The following PPP1R1C variants were observed in gnomAD, a reference collection of about 807,000 sequenced individuals.
The protein encoded by PPP1R1C is protein phosphatase 1 regulatory inhibitor subunit 1C.
PPP1R1C carries 15 observed loss-of-function variants against 17.4 expected under a neutral mutation model. The ratio of observed to expected loss-of-function variants is 0.86; its 90% CI spans 0.58 to 1.33. The LOEUF (loss-of-function observed/expected upper bound fraction) is 1.33, where lower values mean the gene tolerates loss of function less well. PPP1R1C is among the 40% of genes most tolerant of loss of function. The pLI is 0.00. For missense variants in PPP1R1C, 143 were observed against 130.0 expected (o/e 1.10, Z -0.48); for synonymous variants, 35 against 43.1 (o/e 0.81, Z 0.73).
chr2:182,048,791 A>G (rs1038080930), intron 2 of PPP1R1C: 2 of 152,224 alleles, frequency 1.3e-5, no homozygotes, highest in African/African-American at 4.8e-5. Flanking sequence ...CTGTAAAGAA[A>G]GAGATTCTAC....
At chr2:181,969,827 T>A (rs1032581459) in intron 1 of PPP1R1C, among the ~76,000 whole-genome samples, 5 of 152,340 alleles carry the variant, frequency 3.3e-5, no homozygotes, top group Admixed American at 1.3e-4. Flanking sequence ...CTATGTGTTT[T>A]CAAACAGCCT....
chr2:182,017,664 C>A (rs1185674380), intron 2 of PPP1R1C, among the ~76,000 whole-genome samples: 1 of 152,060 alleles, frequency 6.6e-6, no homozygotes. Flanking sequence ...ATGAAGAAAA[C>A]AATTTATTCT....
intron 2 of PPP1R1C, among the ~76,000 whole-genome samples, chr2:182,042,682 T>C (rs1448597725): frequency 6.6e-6 from 1 of 152,182 alleles, no homozygotes; most frequent in Non-Finnish European, 1.5e-5. Flanking sequence ...AAGAGCCTAT[T>C]AGTCCTCTGC....
intron 2 of PPP1R1C, among the ~76,000 whole-genome samples, chr2:182,002,813 A>G (rs550399732): frequency 6.6e-6 from 1 of 152,128 alleles, no homozygotes; most frequent in African/African-American, 2.4e-5. Flanking sequence ...TGAGAGCAGA[A>G]AGATATATTT....
chr2:182,109,148 C>T (rs898382022), intron 4 of PPP1R1C, among the ~76,000 whole-genome samples: 1 of 152,154 alleles, frequency 6.6e-6, no homozygotes, highest in Non-Finnish European at 1.5e-5. Context: ...CTATGTATCT[C>T]CTTGGCTGTT....
At chr2:182,024,413 A>G (rs183359119) in intron 2 of PPP1R1C, among the ~76,000 whole-genome samples, 5 of 152,308 alleles carry the variant, frequency 3.3e-5, no homozygotes. Flanking sequence ...AGCACAGTCA[A>G]TTGATAACCA....
chr2:182,093,924 C>T (rs913699802), intron 4 of PPP1R1C, among the ~76,000 whole-genome samples: 39 of 152,204 alleles, frequency 2.6e-4, no homozygotes, highest in African/African-American at 9.4e-4. Context: ...TGTTCCAACT[C>T]CTGCCTGCTA....
chr2:182,003,794 C>A (rs1685839703), intron 2 of PPP1R1C, among the ~76,000 whole-genome samples: 3 of 152,072 alleles, frequency 2.0e-5, no homozygotes, highest in South Asian at 2.1e-4. Flanking sequence ...AATAGCCTCC[C>A]AAGCTCCCAC....
rs11412098 is a variant in PPP1R1C, at chr2:181,963,792, G to GTT, written n.111+9167_111+9168dup. On this transcript the variant is annotated intron_variant and non_coding_transcript_variant, in intron 1 of 5. Transcript: ENST00000464264. ...ATTAACCTAGAGTTCTTTTTTGCTT[G>GTT]TTTTTTTTTTAATTTTAATTTTAAA... Among the ~76,000 whole-genome samples, 27 of 147,736 alleles carry GTT rather than the reference G, an allele frequency of 1.8e-4. 1 individual carries two copies. In the South Asian group the frequency reaches 3.6e-3, roughly 20 times the overall value.
intron 4 of PPP1R1C, among the ~76,000 whole-genome samples, chr2:182,065,121 A>G (rs1443419279): frequency 1.3e-5 from 2 of 152,120 alleles, no homozygotes; most frequent in East Asian, 3.9e-4. Context: ...CCTGTTACAC[A>G]TTTTTGCATA....
intron 5 of PPP1R1C, among the ~76,000 whole-genome samples, chr2:182,127,226 A>G (rs1275915222): frequency 6.6e-6 from 1 of 152,072 alleles, no homozygotes; most frequent in Non-Finnish European, 1.5e-5. Flanking sequence ...CTTTGTTTTC[A>G]AGAGGTGAGA....
At chr2:182,051,525 A>C (rs1687517513) in intron 2 of PPP1R1C, among the ~76,000 whole-genome samples, 1 of 152,218 alleles carries the variant, frequency 6.6e-6, no homozygotes, top group African/African-American at 2.4e-5. Context: ...ATTTAAAAAA[A>C]ACGGTCACGA....
At chr2:181,975,470 T>C (rs1305809353) in intron 2 of PPP1R1C, among the ~76,000 whole-genome samples, 1 of 151,930 alleles carries the variant, frequency 6.6e-6, no homozygotes, top group Non-Finnish European at 1.5e-5. Context: ...TCTCTCTCTT[T>C]TTTCTCTCTC....
chr2:182,052,400 G>A (rs1687551154), intron 2 of PPP1R1C, among the ~76,000 whole-genome samples: 1 of 152,194 alleles, frequency 6.6e-6, no homozygotes, highest in African/African-American at 2.4e-5. Context: ...AGACATGCTT[G>A]GCTCTATCAG....
At chr2:182,065,656 G>T (rs148117310) in intron 4 of PPP1R1C, among the ~76,000 whole-genome samples, 179 of 152,116 alleles carry the variant, frequency 1.2e-3, no homozygotes, top group African/African-American at 4.1e-3. Context: ...AGGAGTTGGA[G>T]GCTATAGGGC....
In PPP1R1C at chr2:182,073,247, C is replaced by T. The variant is rs186307385; in HGVS notation, c.241+9456C>T. On this transcript the variant is annotated intron_variant, in intron 4 of 4. Coordinates refer to ENST00000682840, the MANE Select transcript of PPP1R1C (RefSeq NM_001080545.3). Reference sequence around the variant, plus strand: ...TCTGTAATTCCTTCTAGCTAGACTGCGGAGCCCTTGAGGGCAGGGCCCATG... The same window carrying T: ...TCTGTAATTCCTTCTAGCTAGACTGTGGAGCCCTTGAGGGCAGGGCCCATG... Among the ~76,000 whole-genome samples, 334 of 152,306 alleles carry T rather than the reference C, an allele frequency of 2.2e-3. 3 individuals are homozygous for T. Among genetic ancestry groups the T allele is most frequent in the Non-Finnish European group, 2.4e-3 (164 of 68,040 alleles).
intron 2 of PPP1R1C, among the ~76,000 whole-genome samples, chr2:181,991,725 G>C (rs1685479327): frequency 6.6e-6 from 1 of 152,124 alleles, no homozygotes; most frequent in East Asian, 1.9e-4. Flanking sequence ...CTGCCTCTCT[G>C]TATTTTCAGT....
downstream of PPP1R1C, among the ~76,000 whole-genome samples, chr2:182,118,090 G>A (rs1453823296): frequency 1.3e-5 from 2 of 151,928 alleles, no homozygotes; most frequent in Non-Finnish European, 2.9e-5. Context: ...AAATAATATA[G>A]CAGTTTATAA....
At chr2:181,974,805 G>A (rs1417155708) in intron 1 of PPP1R1C, among the ~76,000 whole-genome samples, 2 of 152,176 alleles carry the variant, frequency 1.3e-5, no homozygotes, top group African/African-American at 4.8e-5. Context: ...GGCAGCAGTA[G>A]CTGCCTGGAA....
Sources: allele counts gnomAD v4.1 joint callset (sites outside exome capture counted in the v4.1 genomes callset), GRCh38; gene constraint gnomAD v4.1.1; transcripts MANE v1.5; gene names NCBI Gene and HGNC (gene_info 2026-07-23, HGNC 2026-07-21).